Variants in GRID2 observed in about 807,000 individuals in gnomAD.
The protein encoded by GRID2 is glutamate ionotropic receptor delta type subunit 2.
In GRID2, 33 loss-of-function variants were observed where a neutral mutation model predicts 114.8. The observed-to-expected ratio is 0.29, with a 90% CI of 0.22 to 0.38. The LOEUF (loss-of-function observed/expected upper bound fraction) is 0.38, where lower values mean the gene tolerates loss of function less well. GRID2 is among the 10% of genes least tolerant of loss of function. The pLI, the probability that GRID2 is intolerant of heterozygous loss-of-function variation, is 1.00. For missense variants in GRID2, 1,184 were observed against 1,257.7 expected (o/e 0.94, Z 0.89); for synonymous variants, 505 against 449.9 (o/e 1.12, Z -1.55).
At chr4:93,521,555 A>G (rs141517758) in intron 13 of GRID2, among the ~76,000 whole-genome samples, 96 of 152,248 alleles carry the variant, frequency 6.3e-4, no homozygotes, top group Middle Eastern at 3.4e-3. Flanking sequence ...AATTAATTTT[A>G]GTTTTGGAAA....
At chr4:92,392,352 A>G (rs1371477587) in intron 1 of GRID2, among the ~76,000 whole-genome samples, 3 of 152,060 alleles carry the variant, frequency 2.0e-5, no homozygotes, top group South Asian at 2.1e-4. Flanking sequence ...CATCCTGGCC[A>G]TCATGGTGAA....
At chr4:93,665,104 A>C (rs375607235) in intron 14 of GRID2, among the ~76,000 whole-genome samples, 15 of 152,184 alleles carry the variant, frequency 9.9e-5, no homozygotes, top group East Asian at 5.8e-4. Context: ...TCCAGTTTCA[A>C]CTTGTCTTTT....
intron 2 of GRID2, among the ~76,000 whole-genome samples, chr4:92,768,504 A>G (rs963501162): frequency 3.3e-5 from 5 of 152,184 alleles, no homozygotes; most frequent in Admixed American, 2.6e-4. Flanking sequence ...AGACTTTTTC[A>G]ATCTAGCAGC....
At chr4:92,609,987 A>G (rs953137936) in intron 2 of GRID2, among the ~76,000 whole-genome samples, 1 of 151,668 alleles carries the variant, frequency 6.6e-6, no homozygotes, top group Non-Finnish European at 1.5e-5. Context: ...TTTCATCCAC[A>G]ATGTTAAACT....
chr4:93,723,521 T>G (rs1292662698), intron 14 of GRID2, among the ~76,000 whole-genome samples: 1 of 152,220 alleles, frequency 6.6e-6, no homozygotes, highest in Non-Finnish European at 1.5e-5. Flanking sequence ...AGTGACCATA[T>G]ACTTGCACCA....
intron 14 of GRID2, among the ~76,000 whole-genome samples, chr4:93,726,906 A>G (rs1288133794): frequency 1.3e-5 from 2 of 152,222 alleles, no homozygotes; most frequent in African/African-American, 4.8e-5. Flanking sequence ...GGGGTTCTCT[A>G]GATATACAAT....
intron 1 of GRID2, among the ~76,000 whole-genome samples, chr4:92,559,602 G>A (rs1181103541): frequency 6.6e-6 from 1 of 152,082 alleles, no homozygotes; most frequent in African/African-American, 2.4e-5. Flanking sequence ...TCAAAGCAAG[G>A]TATGAGTCAA....
intron 8 of GRID2, among the ~76,000 whole-genome samples, chr4:93,318,152 T>C (rs1249753942): frequency 6.6e-6 from 1 of 151,284 alleles, no homozygotes; most frequent in African/African-American, 2.4e-5. Flanking sequence ...CTTGTAAACT[T>C]TCCAATGACT....
intron 10 of GRID2, among the ~76,000 whole-genome samples, chr4:93,445,534 A>G (rs1722015390): frequency 6.6e-6 from 1 of 152,020 alleles, no homozygotes; most frequent in South Asian, 2.1e-4. Context: ...TGTGGTATAT[A>G]AAAGTTTCAC....
At chr4:92,908,517 G>T (rs1235685915) in intron 2 of GRID2, among the ~76,000 whole-genome samples, 1 of 145,614 alleles carries the variant, frequency 6.9e-6, no homozygotes, top group South Asian at 2.1e-4. Flanking sequence ...AGTCGACATC[G>T]TGCCACTGCA....
intron 4 of GRID2, among the ~76,000 whole-genome samples, chr4:93,119,344 AT>A (rs1246067903): frequency 1.3e-5 from 2 of 152,188 alleles, no homozygotes; most frequent in African/African-American, 4.8e-5. Flanking sequence ...TTTGAAAAAA[AT>A]GTTTTTATAT....
chr4:93,167,030 A>C (rs1343823402), intron 4 of GRID2, among the ~76,000 whole-genome samples: 4 of 152,160 alleles, frequency 2.6e-5, no homozygotes, highest in African/African-American at 9.6e-5. Context: ...AGTTGTGTGC[A>C]TGGTGGCGGT....
chr4:92,761,115 A>T (rs1378383632), intron 2 of GRID2, among the ~76,000 whole-genome samples: 1 of 152,038 alleles, frequency 6.6e-6, no homozygotes, highest in Non-Finnish European at 1.5e-5. Context: ...ATCATTGCAA[A>T]CCTTAGTAAG....
intron 8 of GRID2, among the ~76,000 whole-genome samples, chr4:93,356,067 T>C (rs1761304362): frequency 6.6e-6 from 1 of 152,078 alleles, no homozygotes. Flanking sequence ...CTGTAAAATA[T>C]AAACATTATT....
intron 2 of GRID2, among the ~76,000 whole-genome samples, chr4:92,926,002 T>C (rs1749779879): frequency 2.0e-5 from 3 of 152,048 alleles, no homozygotes; most frequent in African/African-American, 7.2e-5. Flanking sequence ...CAATTCTGTT[T>C]ACTACAGAAT....
At chr4:93,315,495 A>G (rs1756486274) in intron 8 of GRID2, among the ~76,000 whole-genome samples, 1 of 152,028 alleles carries the variant, frequency 6.6e-6, no homozygotes, top group Non-Finnish European at 1.5e-5. Context: ...TATTTTTTGT[A>G]GCACTTATCA....
At position 93,590,872 on chromosome 4, in the gene GRID2, A is replaced by T. The variant is rs552210845; in HGVS notation, c.2194-35397A>T. 1.2e-3 allele frequency among the ~76,000 whole-genome samples: 174 copies of T among 149,794 alleles called. 2 individuals are homozygous for T. Among genetic ancestry groups the T allele is most frequent in the Non-Finnish European group, 8.6e-4 (58 of 67,448 alleles). ...CTCTCTGTTTGTCTGTTGTTGGTGTATAGGAATGCTTGTGATTTTTGCACA... is the reference window on the plus strand; with the variant it reads ...CTCTCTGTTTGTCTGTTGTTGGTGTTTAGGAATGCTTGTGATTTTTGCACA... On this transcript the variant is annotated intron_variant, in intron 13 of 15. Coordinates refer to ENST00000282020, the MANE Select transcript of GRID2 (RefSeq NM_001510.4).
At chr4:92,852,605 G>T (rs1368090076) in intron 2 of GRID2, among the ~76,000 whole-genome samples, 1 of 151,850 alleles carries the variant, frequency 6.6e-6, no homozygotes, top group Non-Finnish European at 1.5e-5. Context: ...CAAATGCAAT[G>T]ATTTTTTTCC....
rs570482042 is a variant in GRID2 at position 93,257,505 on chromosome 4, C to A, written c.1245+19015C>A. Among the ~76,000 whole-genome samples, 6 of 151,732 alleles carry A rather than the reference C, an allele frequency of 4.0e-5. No individual in the cohort carries two copies. The South Asian group carries it at 1.0e-3, about 26-fold the overall frequency. ...TCATTTTCCTTATACAGACTATTAA[C>A]TTTACAAATATTGAGATTGTTTCTA... On this transcript the variant is annotated intron_variant, in intron 8 of 15. Coordinates refer to ENST00000282020, the MANE Select transcript of GRID2 (RefSeq NM_001510.4).
Sources: allele counts gnomAD v4.1 joint callset (sites outside exome capture counted in the v4.1 genomes callset), GRCh38; gene constraint gnomAD v4.1.1; transcripts MANE v1.5; gene names NCBI Gene and HGNC (gene_info 2026-07-23, HGNC 2026-07-21).